SETBP1: variants seen among roughly 807,000 people sequenced by gnomAD.
The protein encoded by SETBP1 is SET binding protein 1, also known as SET-binding protein.
A neutral mutation model predicts 101.0 loss-of-function variants in SETBP1; 9 were observed. That is an observed-to-expected ratio of 0.09 (90% CI 0.05 to 0.16). SETBP1 has a LOEUF of 0.16. Ranked by LOEUF, SETBP1 falls within the 10% of genes least tolerant of loss-of-function variation. The probability of loss-of-function intolerance (pLI) is 1.00; values close to 1 mark genes in which losing one functional copy is unlikely to be tolerated. For missense variants in SETBP1, 1,858 were observed against 2,033.8 expected, an observed-to-expected ratio of 0.91 and a Z score of 1.66; for synonymous variants, 818 against 788.5, an observed-to-expected ratio of 1.04 and a Z score of -0.63.
At chr18:44,948,499 T>TGATAGATA (rs11437850) in intron 3 of SETBP1, among the ~76,000 whole-genome samples, 18,060 of 149,742 alleles carry the variant, frequency 0.12, 1,159 homozygotes, top group Admixed American at 0.18. Flanking sequence ...CAAAGATAGA[T>TGATAGATA]GATAGATAGA....
At chr18:44,855,228 ATTGT>A (rs528174771) in intron 2 of SETBP1, among the ~76,000 whole-genome samples, 350 of 149,278 alleles carry the variant, frequency 2.3e-3, no homozygotes, top group Non-Finnish European at 2.9e-3. Context: ...ATTTTACTTC[ATTGT>A]TTGTCTCATT....
chr18:44,862,139 C>T (rs2069028018), intron 2 of SETBP1, among the ~76,000 whole-genome samples: 1 of 152,178 alleles, frequency 6.6e-6, no homozygotes, highest in African/African-American at 2.4e-5. Flanking sequence ...GCCAAGGTTA[C>T]ACATGGAGTC....
At chr18:44,738,888 A>T (rs2070039055) in intron 2 of SETBP1, among the ~76,000 whole-genome samples, 3 of 152,166 alleles carry the variant, frequency 2.0e-5, no homozygotes, top group African/African-American at 7.2e-5. Context: ...GGCTTAAAGC[A>T]ACAAAAATTT....
intron 4 of SETBP1, among the ~76,000 whole-genome samples, chr18:45,021,179 A>G (rs2073057666): frequency 6.6e-6 from 1 of 152,246 alleles, no homozygotes; most frequent in African/African-American, 2.4e-5. Flanking sequence ...ATTCAGTGGT[A>G]TCTATAACTT....
chr18:44,686,143 A>G (rs957813247), intron 1 of SETBP1, among the ~76,000 whole-genome samples: 4 of 152,240 alleles, frequency 2.6e-5, no homozygotes, highest in Admixed American at 2.6e-4. Context: ...GTCCCAGCAA[A>G]TCCAGTAAGT....
intron 2 of SETBP1, among the ~76,000 whole-genome samples, chr18:44,812,489 A>G (rs1041798890): frequency 2.6e-5 from 4 of 152,142 alleles, no homozygotes; most frequent in Non-Finnish European, 5.9e-5. Flanking sequence ...GGGTTGCACT[A>G]TTTTATTAAA....
chr18:44,798,750 C>T (rs2071535737), intron 2 of SETBP1, among the ~76,000 whole-genome samples: 1 of 152,172 alleles, frequency 6.6e-6, no homozygotes, highest in South Asian at 2.1e-4. Flanking sequence ...ACATATTGCC[C>T]TAGGAATGGA....
intron 2 of SETBP1, among the ~76,000 whole-genome samples, chr18:44,777,733 T>G (rs1367030854): frequency 1.3e-5 from 2 of 152,208 alleles, no homozygotes; most frequent in African/African-American, 4.8e-5. Flanking sequence ...ACTGCCTCTG[T>G]AGTCTGATAA....
Position 44,953,229 on chromosome 18 carries a change from G to C in SETBP1, c.3889G>C (p.Gly1297Arg). Reference sequence around the variant, plus strand: ...TGACAAGTGGGACAGTGACGTGAGTGGGAGTAAAAGGAGGAGCTATGAAGG... The same window carrying C: ...TGACAAGTGGGACAGTGACGTGAGTCGGAGTAAAAGGAGGAGCTATGAAGG... ...SNDKWDSDVS[G>R]SKRRSYEGFG... Residue 1297 changes from glycine (G) to arginine (R), a missense_variant, in exon 4 of 6, where the codon GGG (glycine) becomes CGG (arginine). This residue lies in a region of SETBP1 where 417 missense variants were observed against 389.1 expected (regional missense o/e 1.07). Coordinates refer to ENST00000649279, the MANE Select transcript of SETBP1 (RefSeq NM_015559.3). 6.2e-7 allele frequency: 1 copy of C among 1,614,138 alleles called. No individual in the cohort carries two copies. Among genetic ancestry groups the C allele is most frequent in the Non-Finnish European group, 8.5e-7 (1 of 1,180,028 alleles).
intron 4 of SETBP1, among the ~76,000 whole-genome samples, chr18:45,018,536 C>T (rs1047954218): frequency 6.6e-6 from 1 of 152,112 alleles, no homozygotes; most frequent in Non-Finnish European, 1.5e-5. Context: ...TACTAATTAT[C>T]GTATTGGGAA....
At chr18:44,712,427 G>A (rs1416387728) in intron 2 of SETBP1, among the ~76,000 whole-genome samples, 1 of 152,182 alleles carries the variant, frequency 6.6e-6, no homozygotes, top group Non-Finnish European at 1.5e-5. Flanking sequence ...TGTTGTTCAT[G>A]AGAACTCAGC....
At chr18:44,822,591 C>G (rs893451581) in intron 2 of SETBP1, among the ~76,000 whole-genome samples, 1 of 152,216 alleles carries the variant, frequency 6.6e-6, no homozygotes, top group Non-Finnish European at 1.5e-5. Context: ...TAGATTGCAA[C>G]TCTTTGCAGC....
intron 2 of SETBP1, among the ~76,000 whole-genome samples, chr18:44,723,505 G>A (rs940438275): frequency 6.6e-6 from 1 of 152,024 alleles, no homozygotes; most frequent in Non-Finnish European, 1.5e-5. Flanking sequence ...AGTCGGCGGG[G>A]GGAAAAAAAA....
intron 1 of SETBP1, among the ~76,000 whole-genome samples, chr18:44,689,458 C>T (rs2068893292): frequency 6.6e-6 from 1 of 152,110 alleles, no homozygotes; most frequent in African/African-American, 2.4e-5. Context: ...ATCAACCTTC[C>T]AACTCTCTGA....
chr18:44,779,269 T>G (rs1056049361), intron 2 of SETBP1, among the ~76,000 whole-genome samples: 1 of 152,182 alleles, frequency 6.6e-6, no homozygotes, highest in Non-Finnish European at 1.5e-5. Context: ...CATCATCATC[T>G]TCAGAGCCTT....
At chr18:44,854,482 C>T in intron 2 of SETBP1, among the ~76,000 whole-genome samples, 1 of 152,134 alleles carries the variant, frequency 6.6e-6, no homozygotes, top group East Asian at 1.9e-4. Flanking sequence ...ATGCATCAGC[C>T]CACAAACCCA....
chr18:44,840,907 T>C (rs2065435218), intron 2 of SETBP1, among the ~76,000 whole-genome samples: 1 of 152,244 alleles, frequency 6.6e-6, no homozygotes, highest in Non-Finnish European at 1.5e-5. Flanking sequence ...TAATAGCTTC[T>C]AAGTGATTCT....
At chr18:44,927,273 G>A (rs931174859) in intron 3 of SETBP1, among the ~76,000 whole-genome samples, 9 of 152,142 alleles carry the variant, frequency 5.9e-5, no homozygotes, top group African/African-American at 1.7e-4. Flanking sequence ...ATGACCTAAT[G>A]TAGCTCTGCA....
At chr18:44,956,898 A>G (rs1475538148) in intron 4 of SETBP1, among the ~76,000 whole-genome samples, 2 of 152,198 alleles carry the variant, frequency 1.3e-5, no homozygotes, top group East Asian at 3.8e-4. Flanking sequence ...TAACATACCT[A>G]GGGCTAGGAT....
Sources: gnomAD v4.1 joint callset for allele counts (sites outside exome capture counted in the v4.1 genomes callset) on GRCh38, gnomAD v4.1.1 for gene constraint, gnomAD v4.1.1 regional missense constraint, MANE v1.5 for transcripts, NCBI Gene and HGNC (gene_info 2026-07-23, HGNC 2026-07-21) for gene names.